The following NRXN1 variants were observed in gnomAD, a reference collection of about 807,000 sequenced individuals.
NRXN1 encodes the protein neurexin-1.
Under a neutral mutation model 150.9 loss-of-function variants are expected in NRXN1, and 39 were observed. The ratio of observed to expected loss-of-function variants is 0.26; its 90% confidence interval spans 0.20 to 0.34. The LOEUF is 0.34. Ranked by LOEUF, NRXN1 falls within the 10% of genes least tolerant of loss-of-function variation. The pLI, the probability that NRXN1 is intolerant of heterozygous loss-of-function variation, is 1.00. For synonymous variants in NRXN1, 924 were observed against 757.0 expected, an observed-to-expected ratio of 1.22 and a Z score of -3.62; for missense variants, 1,815 against 1,949.9, an observed-to-expected ratio of 0.93 and a Z score of 1.30.
At chr2:50,560,608 T>C (rs1257526237) in intron 8 of NRXN1, among the ~76,000 whole-genome samples, 4 of 152,054 alleles carry the variant, frequency 2.6e-5, no homozygotes, top group African/African-American at 9.7e-5. Flanking sequence ...AATTTTGGAT[T>C]TTTAGTAGAG....
At chr2:50,271,826 T>A (rs557878904) in intron 17 of NRXN1, among the ~76,000 whole-genome samples, 6 of 152,240 alleles carry the variant, frequency 3.9e-5, no homozygotes, top group Non-Finnish European at 7.4e-5. Context: ...AAACAAAATT[T>A]TTTAAAAAGA....
chr2:50,501,390 TGTGTGTGTGA>T (rs1197343596), intron 13 of NRXN1, among the ~76,000 whole-genome samples: 1 of 122,780 alleles, frequency 8.1e-6, no homozygotes, highest in Non-Finnish European at 1.7e-5. Flanking sequence ...CGTGTATGTG[TGTGTGTGTGA>T]GTGTGTGTGT....
chr2:50,394,371 A>G (rs532689215), intron 17 of NRXN1, among the ~76,000 whole-genome samples: 6 of 152,240 alleles, frequency 3.9e-5, no homozygotes, highest in Admixed American at 2.6e-4. Flanking sequence ...CCTCCCCCAA[A>G]GGATAAAAGT....
At chr2:50,283,327 C>T (rs188061065) in intron 17 of NRXN1, among the ~76,000 whole-genome samples, 4 of 152,324 alleles carry the variant, frequency 2.6e-5, no homozygotes, top group African/African-American at 9.6e-5. Context: ...ACTACCATCT[C>T]TGAAGATGCA....
intron 17 of NRXN1, among the ~76,000 whole-genome samples, chr2:50,376,286 G>A (rs2080489416): frequency 2.0e-5 from 3 of 151,642 alleles, no homozygotes; most frequent in South Asian, 2.1e-4. Context: ...ACATAAAACA[G>A]TGATTTGGGT....
intron 18 of NRXN1, among the ~76,000 whole-genome samples, chr2:50,129,677 T>C (rs1705174148): frequency 6.6e-6 from 1 of 152,142 alleles, no homozygotes; most frequent in African/African-American, 2.4e-5. Flanking sequence ...CCAATTTGGT[T>C]CCTTTAAAAA....
At chr2:50,418,683 C>T (rs759970659) in intron 17 of NRXN1, among the ~76,000 whole-genome samples, 11 of 151,948 alleles carry the variant, frequency 7.2e-5, no homozygotes, top group Non-Finnish European at 1.6e-4. Flanking sequence ...GCAAATTCAT[C>T]CAGGGATCAA....
chr2:50,471,960 T>C (rs1022607877), intron 16 of NRXN1, among the ~76,000 whole-genome samples: 6 of 151,724 alleles, frequency 4.0e-5, no homozygotes, highest in Admixed American at 3.3e-4. Flanking sequence ...ATTTGTTTAA[T>C]GCTATAAAGC....
intron 2 of NRXN1, among the ~76,000 whole-genome samples, chr2:51,018,846 T>C (rs977559186): frequency 6.6e-6 from 1 of 152,110 alleles, no homozygotes; most frequent in Non-Finnish European, 1.5e-5. Flanking sequence ...TATTATTTAG[T>C]TGCAATATTT....
chr2:49,951,342 GTTT>G (rs1673926425), intron 21 of NRXN1, among the ~76,000 whole-genome samples: 1 of 151,890 alleles, frequency 6.6e-6, no homozygotes, highest in African/African-American at 2.4e-5. Flanking sequence ...TAAAAAATAT[GTTT>G]TTTATTATTT....
chr2:50,000,023 G>A (rs1558665447), intron 21 of NRXN1, among the ~76,000 whole-genome samples: 1 of 152,174 alleles, frequency 6.6e-6, no homozygotes, highest in East Asian at 1.9e-4. Flanking sequence ...CTCACATTGG[G>A]TGATGTTTGC....
At chr2:50,531,781 C>T (rs936382598) in intron 10 of NRXN1, among the ~76,000 whole-genome samples, 1 of 152,092 alleles carries the variant, frequency 6.6e-6, no homozygotes, top group African/African-American at 2.4e-5. Flanking sequence ...TGTACAGCCA[C>T]AGTGTGAGCC....
At chr2:50,758,989 G>C (rs1159393898) in intron 5 of NRXN1, among the ~76,000 whole-genome samples, 1 of 151,880 alleles carries the variant, frequency 6.6e-6, no homozygotes, top group African/African-American at 2.4e-5. Context: ...GTGCACAAGA[G>C]TTTGTATTAG....
At chr2:50,552,295 C>A (rs1416058604) in intron 9 of NRXN1, among the ~76,000 whole-genome samples, 1 of 152,084 alleles carries the variant, frequency 6.6e-6, no homozygotes, top group African/African-American at 2.4e-5. Context: ...TTTTCACTTG[C>A]AAATTCAAGA....
chr2:50,898,288 T>C (rs1682338774), intron 5 of NRXN1, among the ~76,000 whole-genome samples: 1 of 152,164 alleles, frequency 6.6e-6, no homozygotes, highest in African/African-American at 2.4e-5. Context: ...TGCAGAGATT[T>C]CCAACACTTT....
chr2:50,201,769 T>C (rs1477032706), intron 18 of NRXN1, among the ~76,000 whole-genome samples: 1 of 152,184 alleles, frequency 6.6e-6, no homozygotes, highest in African/African-American at 2.4e-5. Flanking sequence ...TGGTCTCATG[T>C]GATTGTCACC....
intron 17 of NRXN1, among the ~76,000 whole-genome samples, chr2:50,421,124 A>AT (rs200151206): frequency 9.0e-4 from 135 of 150,632 alleles, no homozygotes; most frequent in Middle Eastern, 3.5e-3. Flanking sequence ...TAATGCAGAA[A>AT]TTTTTTTTTC....
chr2:50,548,218 T>C (rs1452069007), intron 9 of NRXN1: 9 of 152,148 alleles, frequency 5.9e-5, no homozygotes, highest in Admixed American at 5.9e-4. Context: ...GCTCCCTAAA[T>C]GTCTGCAAAA....
intron 18 of NRXN1, among the ~76,000 whole-genome samples, chr2:50,211,187 A>C (rs2152843970): frequency 6.6e-6 from 1 of 151,886 alleles, no homozygotes; most frequent in Non-Finnish European, 1.5e-5. Flanking sequence ...TATGTAAGAA[A>C]GCCCAATATA....
Sources: gnomAD v4.1 joint callset for allele counts (sites outside exome capture counted in the v4.1 genomes callset) on GRCh38, gnomAD v4.1.1 for gene constraint, MANE v1.5 for transcripts, NCBI Gene and HGNC (gene_info 2026-07-23, HGNC 2026-07-21) for gene names.